The following GCH1 variants were observed in gnomAD, a reference collection of about 807,000 sequenced individuals.
GCH1 encodes GTP cyclohydrolase 1, also known as GTP cyclohydrolase I.
GCH1 carries 5 observed loss-of-function variants against 25.9 expected under a neutral mutation model. The ratio of observed to expected loss-of-function variants is 0.19; its 90% CI spans 0.10 to 0.41. The LOEUF (loss-of-function observed/expected upper bound fraction) is 0.41. GCH1 is among the 10% of genes least tolerant of loss of function. GCH1 has a pLI of 1.00. For missense variants in GCH1, 261 were observed against 336.5 expected (o/e 0.78, Z 1.75); for synonymous variants, 159 against 129.6 (o/e 1.23, Z -1.54).
chr14:54,866,511 A>G (rs2039991667), intron 1 of GCH1, among the ~76,000 whole-genome samples: 1 of 151,846 alleles, frequency 6.6e-6, no homozygotes, highest in African/African-American at 2.4e-5. Flanking sequence ...ACTAGATATA[A>G]TAAGACACGT....
At chr14:54,879,726 G>A (rs1350571115) in intron 1 of GCH1, among the ~76,000 whole-genome samples, 10 of 151,742 alleles carry the variant, frequency 6.6e-5, no homozygotes, top group East Asian at 3.9e-4. Flanking sequence ...GAGGCCGGTC[G>A]CAGTGGCTCA....
At chr14:54,900,974 C>A (rs1296773949) in intron 1 of GCH1, among the ~76,000 whole-genome samples, 2 of 151,800 alleles carry the variant, frequency 1.3e-5, no homozygotes, top group African/African-American at 4.8e-5. Context: ...GAAATCTCTT[C>A]TGAGATTCCA....
intron 3 of GCH1, among the ~76,000 whole-genome samples, chr14:54,856,081 T>C (rs1452601642): frequency 6.6e-6 from 1 of 152,210 alleles, no homozygotes; most frequent in Non-Finnish European, 1.5e-5. Context: ...TTACTCTTAC[T>C]TCCATCAGTC....
At chr14:54,887,973 GC>G (rs1206565976) in intron 1 of GCH1, among the ~76,000 whole-genome samples, 1 of 152,010 alleles carries the variant, frequency 6.6e-6, no homozygotes, top group Non-Finnish European at 1.5e-5. Flanking sequence ...TTTATATGAA[GC>G]TTTATTAATA....
At position 54,902,471 on chromosome 14, in the gene GCH1, C is replaced by G. The variant is rs1281386674; in HGVS notation, c.193G>C (p.Glu65Gln). The G allele has an allele frequency of 1.1e-5, 18 of 1,612,088 alleles. No individual in the cohort carries two copies. Among genetic ancestry groups the G allele is most frequent in the Admixed American group, 5.0e-5 (3 of 59,932 alleles). ...GCTGCCAGGTTAGGGAGGTTCAGCT[C>G]GTTATCCTCCTCGCTGCGGGGCCGC... The part of the protein sequence containing the change: ...GERPRSEEDN[E>Q]LNLPNLAAAY... The change falls in exon 1 of 6, where the codon GAG becomes CAG. Residue 65 changes from glutamate to glutamine, a missense_variant. This residue lies in a region of GCH1 where 125 missense variants were observed against 128.7 expected (regional missense o/e 0.97). Coordinates refer to ENST00000491895, the MANE Select transcript of GCH1 (RefSeq NM_000161.3).
At chr14:54,884,965 A>T (rs569428207) in intron 1 of GCH1, 2 of 180,206 alleles carry the variant, frequency 1.1e-5, no homozygotes, top group East Asian at 1.7e-4. Flanking sequence ...CATACCAAGA[A>T]CATGGTCAGC....
chr14:54,898,825 G>A (rs374121985), intron 1 of GCH1, among the ~76,000 whole-genome samples: 4 of 152,108 alleles, frequency 2.6e-5, no homozygotes, highest in East Asian at 1.9e-4. Flanking sequence ...TCAACATGTT[G>A]GCCAGGCTGG....
At chr14:54,868,899 CTTATTA>C (rs748909708) in intron 1 of GCH1, among the ~76,000 whole-genome samples, 1 of 151,580 alleles carries the variant, frequency 6.6e-6, no homozygotes, top group Admixed American at 6.6e-5. Flanking sequence ...CGTACCTGGC[CTTATTA>C]TTATTATTAT....
intron 3 of GCH1, among the ~76,000 whole-genome samples, chr14:54,852,332 T>C (rs1189262474): frequency 2.6e-5 from 4 of 152,230 alleles, no homozygotes; most frequent in African/African-American, 7.2e-5. Context: ...GAAAGATTAA[T>C]GGAAAGATAT....
rs150173728 is a variant in GCH1 at position 54,898,635 on chromosome 14, G to T, written c.343+3686C>A. On this transcript the variant is annotated intron_variant, in intron 1 of 5. Transcript: ENST00000491895. The stretch of plus-strand genomic sequence containing the variant: ...TTTTATTTTTATTTATTTATTTACT[G>T]TTGAGACGGAGTCTCACTCTGTCAA... Among the ~76,000 whole-genome samples, 1,461 of 151,366 alleles carry T rather than the reference G, an allele frequency of 9.7e-3. 28 individuals carry two copies. Among genetic ancestry groups the T allele is most frequent in the African/African-American group, 0.033 (1,370 of 41,192 alleles).
intron 1 of GCH1, among the ~76,000 whole-genome samples, chr14:54,896,713 C>T (rs2040488573): frequency 6.6e-6 from 1 of 151,538 alleles, no homozygotes; most frequent in Admixed American, 6.6e-5. Flanking sequence ...GAGATCAAGA[C>T]CATCCTGGCT....
chr14:54,857,696 C>T (rs1450656751), intron 3 of GCH1, among the ~76,000 whole-genome samples: 1 of 152,140 alleles, frequency 6.6e-6, no homozygotes, highest in African/African-American at 2.4e-5. Context: ...AGTAAAGATA[C>T]TTTTACTCAC....
At chr14:54,873,511 A>T (rs1310501126) in intron 1 of GCH1, among the ~76,000 whole-genome samples, 1 of 151,264 alleles carries the variant, frequency 6.6e-6, no homozygotes, top group African/African-American at 2.4e-5. Flanking sequence ...GAACTGAAGG[A>T]GATAGAGACA....
chr14:54,890,620 C>T (rs2040411466), intron 1 of GCH1, among the ~76,000 whole-genome samples: 1 of 152,182 alleles, frequency 6.6e-6, no homozygotes, highest in Admixed American at 6.5e-5. Flanking sequence ...GATAAAGGAG[C>T]TGGCCCTAAT....
chr14:54,859,740 C>A lies in GCH1; in HGVS notation c.454-4G>T. On this transcript the variant is annotated splice_polypyrimidine_tract_variant and splice_region_variant and intron_variant, in intron 2 of 5. Coordinates refer to ENST00000491895, the MANE Select transcript of GCH1 (RefSeq NM_000161.3). ...TAGGAAGATAACCAATATGGACCTT[C>A]AGAGAAGAGACGGAAATCATTAGCT... is the stretch of plus-strand genomic sequence containing the variant. 1 of 1,562,724 alleles carries A rather than the reference C, an allele frequency of 6.4e-7. No homozygotes were observed. Among genetic ancestry groups the A allele is most frequent in the East Asian group, 2.2e-5 (1 of 44,652 alleles).
chr14:54,899,278 T>C (rs2040528899), intron 1 of GCH1, among the ~76,000 whole-genome samples: 1 of 151,964 alleles, frequency 6.6e-6, no homozygotes, highest in Non-Finnish European at 1.5e-5. Flanking sequence ...CCGGGCAACA[T>C]GGCAAAAACC....
At chr14:54,852,629 T>C (rs1222392247) in intron 3 of GCH1, among the ~76,000 whole-genome samples, 1 of 152,222 alleles carries the variant, frequency 6.6e-6, no homozygotes, top group African/African-American at 2.4e-5. Flanking sequence ...CAAGGAATTT[T>C]TTTTTCTCAA....
At chr14:54,846,241 T>C (rs781407479) in intron 4 of GCH1, among the ~76,000 whole-genome samples, 5 of 152,246 alleles carry the variant, frequency 3.3e-5, no homozygotes, top group Non-Finnish European at 2.9e-5. Context: ...TGCAGTCCAA[T>C]TATTGAATTG....
chr14:54,852,505 G>A (rs2039746916), intron 3 of GCH1, among the ~76,000 whole-genome samples: 1 of 152,216 alleles, frequency 6.6e-6, no homozygotes, highest in East Asian at 1.9e-4. Context: ...GATCAGATAC[G>A]CCAAATCACC....
Sources: allele counts gnomAD v4.1 joint callset (sites outside exome capture counted in the v4.1 genomes callset), GRCh38; gene constraint gnomAD v4.1.1; regional missense constraint gnomAD v4.1.1; transcripts MANE v1.5; gene names NCBI Gene and HGNC (gene_info 2026-07-23, HGNC 2026-07-21).